Variants in PCSK5 observed in about 807,000 individuals in gnomAD.
PCSK5 encodes the protein proprotein convertase subtilisin/kexin type 5, also known as prohormone convertase 5.
PCSK5 carries 129 observed loss-of-function variants against 233.2 expected under a neutral mutation model. The observed-to-expected ratio is 0.55, with a 90% CI of 0.48 to 0.64. The LOEUF is 0.64. Among genes scored for constraint, PCSK5 ranks in the 30% least tolerant of loss-of-function variants. PCSK5 has a pLI of 0.00. For missense variants in PCSK5, 2,076 were observed against 2,430.1 expected (o/e 0.85, Z 3.06); for synonymous variants, 825 against 879.2 (o/e 0.94, Z 1.09).
intron 5 of PCSK5, among the ~76,000 whole-genome samples, chr9:76,035,000 G>C (rs755970797): frequency 1.3e-5 from 2 of 152,114 alleles, no homozygotes; most frequent in Non-Finnish European, 2.9e-5. Context: ...CTGTATCCCA[G>C]AAGGCTGACT....
intron 24 of PCSK5, among the ~76,000 whole-genome samples, chr9:76,271,339 A>C (rs1036861925): frequency 6.6e-6 from 1 of 152,160 alleles, no homozygotes; most frequent in Non-Finnish European, 1.5e-5. Flanking sequence ...CATCTCTCTC[A>C]TCTGGGCATA....
intron 9 of PCSK5, among the ~76,000 whole-genome samples, chr9:76,113,505 C>T (rs1039291909): frequency 3.9e-5 from 6 of 152,082 alleles, no homozygotes; most frequent in African/African-American, 1.4e-4. Context: ...ATGTTTCCAG[C>T]GTTGGAAAAT....
intron 3 of PCSK5, among the ~76,000 whole-genome samples, chr9:76,018,716 A>C (rs1306971970): frequency 6.6e-6 from 1 of 152,214 alleles, no homozygotes; most frequent in Non-Finnish European, 1.5e-5. Flanking sequence ...CTGTTGCTGA[A>C]AATTTTCAAA....
chr9:76,029,775 C>G (rs1307316872), intron 5 of PCSK5, among the ~76,000 whole-genome samples: 1 of 152,162 alleles, frequency 6.6e-6, no homozygotes, highest in Non-Finnish European at 1.5e-5. Context: ...AGGTCAGGAA[C>G]CCTGTAGAGG....
At chr9:76,355,522 A>G (rs1830279249) in intron 37 of PCSK5, among the ~76,000 whole-genome samples, 1 of 152,088 alleles carries the variant, frequency 6.6e-6, no homozygotes, top group African/African-American at 2.4e-5. Context: ...CTTAAAATAT[A>G]CTCTCTAGTC....
At chr9:76,026,479 T>C (rs1410618547) in intron 4 of PCSK5, among the ~76,000 whole-genome samples, 1 of 152,174 alleles carries the variant, frequency 6.6e-6, no homozygotes, top group Non-Finnish European at 1.5e-5. Flanking sequence ...GGCTTGCCAA[T>C]GATATGTGAA....
At chr9:76,259,711 T>G (rs140161096) in intron 24 of PCSK5, among the ~76,000 whole-genome samples, 2 of 152,136 alleles carry the variant, frequency 1.3e-5, no homozygotes, top group African/African-American at 4.8e-5. Flanking sequence ...CATGCTTGGT[T>G]GAACATCCAT....
intron 29 of PCSK5, among the ~76,000 whole-genome samples, chr9:76,310,377 G>A (rs2131437711): frequency 6.6e-6 from 1 of 152,194 alleles, no homozygotes; most frequent in South Asian, 2.1e-4. Flanking sequence ...CATAGAGAGT[G>A]TGTTAATAAG....
chr9:76,149,324 A>T (rs539657642), intron 10 of PCSK5, among the ~76,000 whole-genome samples: 1 of 152,178 alleles, frequency 6.6e-6, no homozygotes, highest in Non-Finnish European at 1.5e-5. Context: ...CAGCTGATGG[A>T]TGTGTAGCTG....
Position 76,063,835 on chromosome 9 carries a change from A to G in PCSK5, c.633-4120A>G, listed in dbSNP as rs1390118547. Among the ~76,000 whole-genome samples, 3 of 55,862 alleles carry G rather than the reference A, an allele frequency of 5.4e-5. 1 individual carries two copies. Among genetic ancestry groups the G allele is most frequent in the Non-Finnish European group, 9.3e-5 (3 of 32,288 alleles). The allele number at this position is 55,862 out of a possible 152,430, so 36.6% of individuals were successfully genotyped here. A position where few individuals can be genotyped will look rare whatever the true frequency, so the allele number is the denominator to read the frequency against. On this transcript the variant is annotated intron_variant, in intron 5 of 37. Transcript: ENST00000674117. Reference sequence around the variant, plus strand: ...TTGTCATCCTGGCCCGTTCTCAATGAGCTGTTGGGCACACCTCCCAGACGG... The same window carrying G: ...TTGTCATCCTGGCCCGTTCTCAATGGGCTGTTGGGCACACCTCCCAGACGG...
At chr9:76,017,809 G>T (rs1828011236) in intron 3 of PCSK5, among the ~76,000 whole-genome samples, 1 of 152,038 alleles carries the variant, frequency 6.6e-6, no homozygotes, top group Admixed American at 6.5e-5. Context: ...ATTAAGTATT[G>T]TAATAAACAT....
At chr9:75,961,699 G>A (rs1825362573) in intron 2 of PCSK5, among the ~76,000 whole-genome samples, 1 of 152,178 alleles carries the variant, frequency 6.6e-6, no homozygotes, top group African/African-American at 2.4e-5. Context: ...GAGATGTGCT[G>A]TAAGTGAAGG....
chr9:76,145,968 C>A (rs1000047603), intron 10 of PCSK5, among the ~76,000 whole-genome samples: 2 of 152,162 alleles, frequency 1.3e-5, no homozygotes, highest in African/African-American at 4.8e-5. Context: ...TAAAGTGAGA[C>A]TCCAGGCAGT....
chr9:75,926,572 A>T (rs1265641754), intron 1 of PCSK5, among the ~76,000 whole-genome samples: 1 of 152,180 alleles, frequency 6.6e-6, no homozygotes, highest in Non-Finnish European at 1.5e-5. Flanking sequence ...CATTCTCAGC[A>T]TGGTTCTCCA....
intron 20 of PCSK5, 45 bp downstream of exon 20, chr9:76,189,791 C>A: frequency 1.0e-6 from 1 of 976,142 alleles, no homozygotes; most frequent in Non-Finnish European, 1.6e-6. Flanking sequence ...AAAGTATGAT[C>A]TTTCTACTTT....
rs535697525 is a variant in PCSK5, at chr9:76,108,005, C to T, written c.1208+654C>T. Among the ~76,000 whole-genome samples, 18 of 152,164 alleles carry T rather than the reference C, an allele frequency of 1.2e-4. No homozygotes were observed. In the South Asian group the frequency reaches 3.7e-3, roughly 32 times the overall value. On this transcript the variant is annotated intron_variant, in intron 9 of 37. Transcript: ENST00000674117. ...GTCCTCAATTTTAAAATCCTAAATG[C>T]CAGGAAAACTGAACGTTCTTTTGCA...
intron 3 of PCSK5, among the ~76,000 whole-genome samples, chr9:76,019,431 C>T (rs903030342): frequency 3.3e-5 from 5 of 152,016 alleles, no homozygotes; most frequent in African/African-American, 1.2e-4. Flanking sequence ...GAGATGAAGT[C>T]TTATAAGCCA....
intron 9 of PCSK5, 30 bp downstream of exon 9, chr9:76,107,381 G>A: frequency 6.9e-7 from 1 of 1,439,170 alleles, no homozygotes; most frequent in Non-Finnish European, 9.8e-7. Context: ...TGTCTTCAAT[G>A]GTGACAACCC....
At chr9:76,156,192 G>A (rs1822568482) in intron 10 of PCSK5, among the ~76,000 whole-genome samples, 1 of 150,742 alleles carries the variant, frequency 6.6e-6, no homozygotes, top group Non-Finnish European at 1.5e-5. Context: ...GATTTTAAGT[G>A]CCAACTGGAA....
Sources: allele counts gnomAD v4.1 joint callset (sites outside exome capture counted in the v4.1 genomes callset), GRCh38; gene constraint gnomAD v4.1.1; transcripts MANE v1.5; gene names NCBI Gene and HGNC (gene_info 2026-07-23, HGNC 2026-07-21).